ANO3: variants seen among roughly 807,000 people sequenced by gnomAD.
ANO3 encodes anoctamin 3.
In ANO3, 99 loss-of-function variants were observed where a neutral mutation model predicts 144.8. That is an observed-to-expected ratio of 0.68 (90% CI 0.58 to 0.81). ANO3 has a LOEUF of 0.81. ANO3 is among the 30% of genes least tolerant of loss of function. The probability of loss-of-function intolerance (pLI) is 0.00; values close to 1 mark genes in which losing one functional copy is unlikely to be tolerated. For synonymous variants in ANO3, 414 were observed against 392.6 expected (o/e 1.05, Z -0.64); for missense variants, 905 against 1,202.2 (o/e 0.75, Z 3.66).
At chr11:26,358,451 T>G (rs1855843770) in intron 1 of ANO3, among the ~76,000 whole-genome samples, 1 of 152,194 alleles carries the variant, frequency 6.6e-6, no homozygotes, top group African/African-American at 2.4e-5. Context: ...ATGACAGGCA[T>G]AAGCCACCGC....
intron 1 of ANO3, among the ~76,000 whole-genome samples, chr11:26,219,677 G>A (rs765809205): frequency 1.3e-5 from 2 of 152,118 alleles, no homozygotes; most frequent in African/African-American, 4.8e-5. Context: ...TAAGTCTAAC[G>A]AAAGCTCAGA....
chr11:26,204,940 A>G (rs1298889449), intron 1 of ANO3, among the ~76,000 whole-genome samples: 1 of 152,122 alleles, frequency 6.6e-6, no homozygotes, highest in African/African-American at 2.4e-5. Flanking sequence ...TTTATAAAGG[A>G]AAGAGGTTTA....
intron 1 of ANO3, among the ~76,000 whole-genome samples, chr11:26,197,482 G>T (rs1414044825): frequency 6.6e-6 from 1 of 152,054 alleles, no homozygotes; most frequent in Non-Finnish European, 1.5e-5. Context: ...CTGAGTAGCT[G>T]GGACTACAGG....
intron 13 of ANO3, among the ~76,000 whole-genome samples, chr11:26,556,882 A>T (rs1223112187): frequency 6.6e-6 from 1 of 152,020 alleles, no homozygotes; most frequent in Non-Finnish European, 1.5e-5. Context: ...TCCTGGAGAG[A>T]CTTTAGTGGG....
At chr11:26,331,748 C>T (rs1020231038), upstream of ANO3, 1 of 153,532 alleles carries the variant, frequency 6.5e-6, no homozygotes, top group African/African-American at 2.4e-5. Flanking sequence ...CTTTCTGCCC[C>T]CTCTACTTAA....
intron 1 of ANO3, chr11:26,288,056 C>A (rs913844415): frequency 6.6e-6 from 1 of 152,428 alleles, no homozygotes; most frequent in African/African-American, 2.4e-5. Flanking sequence ...AGAGGGTAGA[C>A]TAATGTCAAA....
At chr11:26,508,530 C>G in intron 5 of ANO3, 1 of 381,394 alleles carries the variant, frequency 2.6e-6, no homozygotes, top group Non-Finnish European at 4.6e-6. Flanking sequence ...ATAGTTATGT[C>G]AAGTAGAAAA....
At chr11:26,311,475 A>C (rs1014192640) in intron 1 of ANO3, among the ~76,000 whole-genome samples, 6 of 152,194 alleles carry the variant, frequency 3.9e-5, no homozygotes, top group Admixed American at 6.5e-5. Flanking sequence ...TTGACTATGA[A>C]ATTTAGGATT....
intron 1 of ANO3, among the ~76,000 whole-genome samples, chr11:26,414,773 AAAG>A (rs1310370886): frequency 1.2e-4 from 18 of 151,814 alleles, no homozygotes; most frequent in Admixed American, 2.6e-4. Context: ...AAAAAAAAAA[AAAG>A]AAAGAAAGTT....
At chr11:26,474,688 TA>T (rs1859896558) in intron 4 of ANO3, among the ~76,000 whole-genome samples, 1 of 151,900 alleles carries the variant, frequency 6.6e-6, no homozygotes, top group Non-Finnish European at 1.5e-5. Context: ...ATAAGAAACT[TA>T]ATTTTGATTC....
At chr11:26,498,564 TATA>T (rs1270676657) in intron 4 of ANO3, among the ~76,000 whole-genome samples, 1 of 149,950 alleles carries the variant, frequency 6.7e-6, no homozygotes, top group African/African-American at 2.4e-5. Context: ...ATAATAATAA[TATA>T]ATTATTATGC....
intron 14 of ANO3, among the ~76,000 whole-genome samples, chr11:26,580,006 A>G (rs1046867297): frequency 2.0e-5 from 3 of 152,070 alleles, no homozygotes; most frequent in Non-Finnish European, 4.4e-5. Flanking sequence ...CAATTTTGGA[A>G]GCCCCTTTTA....
Position 26,332,153 on chromosome 11 carries a change from CA to C in ANO3, c.-122del. The C allele has an allele frequency of 4.4e-6, 7 of 1,575,296 alleles. No individual in the cohort carries two copies. The highest frequency in any genetic ancestry group is 6.0e-6 in the Non-Finnish European group (7 of 1,161,660). ...CTGGAGAGCGAAGTGCCGGCTACAGCAGGTGTCGGATTGCAGTGCGCTCGCT... is the reference window on the plus strand; with the variant it reads ...CTGGAGAGCGAAGTGCCGGCTACAGCGGTGTCGGATTGCAGTGCGCTCGCT... On this transcript the variant is annotated 5_prime_UTR_variant, in exon 1 of 27. Coordinates refer to ENST00000256737, the MANE Select transcript of ANO3 (RefSeq NM_031418.4).
Position 26,647,261 on chromosome 11 carries a change from CT to C in ANO3, c.2429-441del, listed in dbSNP as rs539719816. Among the ~76,000 whole-genome samples the C allele has an allele frequency of 8.9e-3, 1,354 of 152,166 alleles. 11 individuals carry two copies. The highest frequency in any genetic ancestry group is 0.027 in the Middle Eastern group (8 of 294). On this transcript the variant is annotated intron_variant, in intron 23 of 26. Transcript: ENST00000256737. ...AGTTCTTACCACCAGACTAGTTTTGCTTTTTTTGTATTTTTACTTTAAAAAG... is the reference window on the plus strand; with the variant it reads ...AGTTCTTACCACCAGACTAGTTTTGCTTTTTTGTATTTTTACTTTAAAAAG...
At chr11:26,505,881 T>C (rs1861409454) in intron 4 of ANO3, among the ~76,000 whole-genome samples, 1 of 150,856 alleles carries the variant, frequency 6.6e-6, no homozygotes, top group Non-Finnish European at 1.5e-5. Context: ...CCAGCTACTC[T>C]GGAGGCTGAG....
intron 1 of ANO3, among the ~76,000 whole-genome samples, chr11:26,281,194 G>A (rs990441167): frequency 3.9e-5 from 6 of 152,080 alleles, no homozygotes; most frequent in Non-Finnish European, 8.8e-5. Context: ...ATTTGTCCAA[G>A]ATCATACAGA....
intron 1 of ANO3, among the ~76,000 whole-genome samples, chr11:26,363,159 C>G (rs1855973011): frequency 6.6e-6 from 1 of 152,084 alleles, no homozygotes; most frequent in South Asian, 2.1e-4. Context: ...CATCAAAGGT[C>G]AGGAAAATAT....
intron 1 of ANO3, among the ~76,000 whole-genome samples, chr11:26,256,941 C>T (rs987320297): frequency 5.9e-5 from 9 of 151,980 alleles, no homozygotes; most frequent in African/African-American, 2.2e-4. Flanking sequence ...AAAGTAGAAG[C>T]TAGAAATGCT....
chr11:26,501,176 C>T (rs1317434613), intron 4 of ANO3, among the ~76,000 whole-genome samples: 5 of 152,102 alleles, frequency 3.3e-5, no homozygotes, highest in Non-Finnish European at 5.9e-5. Context: ...GATGGCCACC[C>T]AAATTATGGA....
Sources: allele counts gnomAD v4.1 joint callset (sites outside exome capture counted in the v4.1 genomes callset), GRCh38; gene constraint gnomAD v4.1.1; transcripts MANE v1.5; gene names NCBI Gene and HGNC (gene_info 2026-07-23, HGNC 2026-07-21).